The following FER1L6 variants were observed in gnomAD, a reference collection of about 807,000 sequenced individuals.
The protein encoded by FER1L6 is fer-1-like protein 6.
Under a neutral mutation model 219.2 loss-of-function variants are expected in FER1L6, and 177 were observed. The ratio of observed to expected loss-of-function variants is 0.81; its 90% CI spans 0.71 to 0.91. FER1L6 has a LOEUF of 0.91. FER1L6 is among the 40% of genes least tolerant of loss of function. The probability of loss-of-function intolerance (pLI) is 0.00; values close to 1 mark genes in which losing one functional copy is unlikely to be tolerated. For missense variants in FER1L6, 2,153 were observed against 2,259.9 expected (o/e 0.95, Z 0.96); for synonymous variants, 768 against 824.3 (o/e 0.93, Z 1.17).
chr8:124,092,608 T>C (rs1822083086), intron 34 of FER1L6, among the ~76,000 whole-genome samples: 1 of 152,202 alleles, frequency 6.6e-6, no homozygotes, highest in African/African-American at 2.4e-5. Context: ...ATTCTCATAC[T>C]GTCACACTGT....
intron 39 of FER1L6, among the ~76,000 whole-genome samples, chr8:124,116,113 C>A (rs1823233478): frequency 6.6e-6 from 1 of 152,212 alleles, no homozygotes; most frequent in Non-Finnish European, 1.5e-5. Flanking sequence ...TGTAAAGTAG[C>A]AGAGGAATGG....
At chr8:124,060,127 T>C in intron 22 of FER1L6, 53 bp from the exon 23 acceptor site, 2 of 1,378,042 alleles carry the variant, frequency 1.5e-6, no homozygotes, top group South Asian at 2.3e-5. Context: ...TGTGGCACTG[T>C]TGCCTTCCCT....
intron 19 of FER1L6, chr8:124,036,068 C>T (rs1819194336): frequency 6.6e-6 from 1 of 152,166 alleles, no homozygotes; most frequent in Non-Finnish European, 1.5e-5. Context: ...TTGCATTTTG[C>T]TTTCTGCTTC....
At position 123,869,582 on chromosome 8, in the gene FER1L6, C is replaced by T. The variant is rs188686019; in HGVS notation, c.-8+17397C>T. Among the ~76,000 whole-genome samples the T allele has an allele frequency of 2.6e-5, 4 of 152,246 alleles. No homozygotes were observed. In the East Asian group the frequency reaches 5.8e-4, roughly 22 times the overall value. ...AATAAAGGAAGAGATATTTATGAATCGGACAACTCAACATTGTTAAGATGT... is the reference window on the plus strand; with the variant it reads ...AATAAAGGAAGAGATATTTATGAATTGGACAACTCAACATTGTTAAGATGT... On this transcript the variant is annotated intron_variant, in intron 1 of 40. Transcript: ENST00000522917.
At chr8:123,990,165 G>A (rs1816783101) in intron 12 of FER1L6, among the ~76,000 whole-genome samples, 2 of 152,156 alleles carry the variant, frequency 1.3e-5, no homozygotes, top group African/African-American at 4.8e-5. Flanking sequence ...CTACTTGGGA[G>A]GCTGAGGCAG....
chr8:123,855,920 T>C (rs1816630187), intron 1 of FER1L6, among the ~76,000 whole-genome samples: 2 of 147,170 alleles, frequency 1.4e-5, no homozygotes, highest in Non-Finnish European at 3.0e-5. Context: ...ATTAGTATAT[T>C]GTATATATTA....
chr8:124,090,571 T>C (rs1038997607), intron 33 of FER1L6, among the ~76,000 whole-genome samples: 1 of 152,200 alleles, frequency 6.6e-6, no homozygotes, highest in African/African-American at 2.4e-5. Context: ...TTCTTTGGCA[T>C]AATGTGGGAA....
chr8:123,910,220 A>C (rs1813027472), intron 1 of FER1L6, among the ~76,000 whole-genome samples: 1 of 152,198 alleles, frequency 6.6e-6, no homozygotes, highest in Non-Finnish European at 1.5e-5. Context: ...TCATGTGAAA[A>C]GACTATTCAA....
At chr8:123,866,831 C>G (rs1816846754) in intron 1 of FER1L6, among the ~76,000 whole-genome samples, 1 of 152,126 alleles carries the variant, frequency 6.6e-6, no homozygotes, top group Admixed American at 6.5e-5. Context: ...ATTGCCCAGG[C>G]TGATCTCCAA....
At chr8:124,067,022 A>C (rs554865095) in intron 27 of FER1L6, among the ~76,000 whole-genome samples, 1 of 152,304 alleles carries the variant, frequency 6.6e-6, no homozygotes, top group African/African-American at 2.4e-5. Context: ...GGGTTTACAT[A>C]GCAAGAGCAG....
chr8:124,071,752 C>A, intron 31 of FER1L6, 121 bp downstream of exon 31: 1 of 1,268,400 alleles, frequency 7.9e-7, no homozygotes. Flanking sequence ...TTTTGAATGC[C>A]ATAAGTCTAT....
At chr8:123,965,605 G>A (rs988777557) in intron 3 of FER1L6, among the ~76,000 whole-genome samples, 1 of 152,184 alleles carries the variant, frequency 6.6e-6, no homozygotes, top group African/African-American at 2.4e-5. Flanking sequence ...CCTGTGTATG[G>A]AATCAGGCAG....
Position 124,070,727 on chromosome 8 carries a change from C to T in FER1L6, c.3966+129C>T, listed in dbSNP as rs1036849031. 2.0e-5 allele frequency: 15 copies of T among 758,408 alleles called. No homozygotes were observed. In the Admixed American group the frequency reaches 2.5e-4, roughly 12 times the overall value. The allele number at this position is 758,408 out of a possible 1,614,324, so 47.0% of individuals were successfully genotyped here. A position where few individuals can be genotyped will look rare whatever the true frequency, so the allele number is the denominator to read the frequency against. On this transcript the variant is annotated intron_variant, in intron 30 of 40. Coordinates refer to ENST00000522917, the MANE Select transcript of FER1L6 (RefSeq NM_001039112.2). ...AAATCCTTAATTTTTACTCAAGTCC[C>T]TCTCTAGAACTCCACAAAACCTAGC... is the stretch of plus-strand genomic sequence containing the variant.
intron 1 of FER1L6, among the ~76,000 whole-genome samples, chr8:123,944,698 C>T (rs1202755498): frequency 2.0e-5 from 3 of 152,150 alleles, no homozygotes; most frequent in Non-Finnish European, 4.4e-5. Context: ...AGGTCACACA[C>T]TATATGAGGT....
At chr8:123,855,138 G>C (rs58228569) in intron 1 of FER1L6, among the ~76,000 whole-genome samples, 2,427 of 152,238 alleles carry the variant, frequency 0.016, 63 homozygotes, top group African/African-American at 0.054. Flanking sequence ...GGAATCGAAG[G>C]TTGCCCAGGG....
intron 1 of FER1L6, among the ~76,000 whole-genome samples, chr8:123,955,536 G>A (rs1814975504): frequency 6.6e-6 from 1 of 152,206 alleles, no homozygotes; most frequent in South Asian, 2.1e-4. Flanking sequence ...AGGCAGGCCT[G>A]GGATCCAGTG....
intron 1 of FER1L6, among the ~76,000 whole-genome samples, chr8:123,885,499 A>G (rs1437843083): frequency 6.6e-6 from 1 of 152,224 alleles, no homozygotes; most frequent in Admixed American, 6.5e-5. Flanking sequence ...GTAATAGCCA[A>G]CATTTATATA....
At chr8:124,113,448 AG>A (rs537866005) in intron 39 of FER1L6, among the ~76,000 whole-genome samples, 86 of 152,334 alleles carry the variant, frequency 5.6e-4, no homozygotes, top group Admixed American at 1.8e-3. Context: ...GAATATAGAC[AG>A]TGTCCTACAT....
chr8:124,041,370 C>A (rs754931877), intron 20 of FER1L6, among the ~76,000 whole-genome samples: 5 of 152,210 alleles, frequency 3.3e-5, no homozygotes, highest in Non-Finnish European at 7.3e-5. Context: ...ACATTGTTCT[C>A]CAGGGCAAAG....
Sources: allele counts gnomAD v4.1 joint callset (sites outside exome capture counted in the v4.1 genomes callset), GRCh38; gene constraint gnomAD v4.1.1; transcripts MANE v1.5; gene names NCBI Gene and HGNC (gene_info 2026-07-23, HGNC 2026-07-21).